The following SEL1L variants were observed in gnomAD, a reference collection of about 807,000 sequenced individuals.
SEL1L encodes the protein SEL1L adaptor subunit of SYVN1 ubiquitin ligase.
SEL1L carries 52 observed loss-of-function variants against 109.8 expected under a neutral mutation model. The ratio of observed to expected loss-of-function variants is 0.47; its 90% CI spans 0.38 to 0.60. The LOEUF (loss-of-function observed/expected upper bound fraction) is 0.60, where lower values mean the gene tolerates loss of function less well. Among genes scored for constraint, SEL1L ranks in the 20% least tolerant of loss-of-function variants. SEL1L has a pLI of 0.00. For synonymous variants in SEL1L, 373 were observed against 339.6 expected (o/e 1.10, Z -1.08); for missense variants, 749 against 962.2 (o/e 0.78, Z 2.93).
At chr14:81,503,336 CCTTT>C (rs1014578307) in intron 5 of SEL1L, among the ~76,000 whole-genome samples, 2 of 152,070 alleles carry the variant, frequency 1.3e-5, no homozygotes, top group Non-Finnish European at 2.9e-5. Flanking sequence ...AAAAAACATC[CCTTT>C]TTTTAATTTT....
chr14:81,533,609 C>A (rs1416209608), intron 1 of SEL1L, 66 bp downstream of exon 1: 1 of 1,524,980 alleles, frequency 6.6e-7, no homozygotes, highest in Non-Finnish European at 9.0e-7. Context: ...TCCCCACGGC[C>A]CCGCCGGCTG....
At position 81,525,589 on chromosome 14, in the gene SEL1L, C is replaced by T. The variant is rs552368333; in HGVS notation, c.340+1144G>A. On this transcript the variant is annotated intron_variant, in intron 3 of 20. Coordinates refer to ENST00000336735, the MANE Select transcript of SEL1L (RefSeq NM_005065.6). Reference sequence around the variant, plus strand: ...TGAAGAACAATTTAACAATGTGTATCTACTGTCTTTTAAACTTTTACATCC... The same window carrying T: ...TGAAGAACAATTTAACAATGTGTATTTACTGTCTTTTAAACTTTTACATCC... 3.3e-5 allele frequency among the ~76,000 whole-genome samples: 5 copies of T among 152,152 alleles called. No individual in the cohort carries two copies. In the South Asian group the frequency reaches 1.0e-3, roughly 32 times the overall value.
At chr14:81,532,177 CTTTAATTTTCTTT>C (rs1413269180) in intron 1 of SEL1L, among the ~76,000 whole-genome samples, 1 of 152,206 alleles carries the variant, frequency 6.6e-6, no homozygotes, top group African/African-American at 2.4e-5. Context: ...AATTCCTATG[CTTTAATTTTCTTT>C]AAACTCTGCC....
chr14:81,489,444 C>T (rs1009658325), intron 13 of SEL1L, 130 bp from the exon 14 acceptor site: 15 of 735,172 alleles, frequency 2.0e-5, no homozygotes, highest in Non-Finnish European at 3.4e-5. Flanking sequence ...CAATTCAAAA[C>T]AAAACTTTCT....
intron 16 of SEL1L, 25 bp downstream of exon 16, chr14:81,487,365 C>G: frequency 1.9e-6 from 3 of 1,549,540 alleles, no homozygotes; most frequent in Non-Finnish European, 2.6e-6. Flanking sequence ...ACTCCCTACA[C>G]ACAAGCTGGT....
At chr14:81,514,766 C>T (rs527749803) in intron 3 of SEL1L, among the ~76,000 whole-genome samples, 1 of 152,248 alleles carries the variant, frequency 6.6e-6, no homozygotes, top group African/African-American at 2.4e-5. Context: ...CCTTGAAATG[C>T]ATCCTAAGCC....
chr14:81,501,876 A>G (rs1884024041), intron 6 of SEL1L, among the ~76,000 whole-genome samples: 1 of 152,016 alleles, frequency 6.6e-6, no homozygotes, highest in African/African-American at 2.4e-5. Flanking sequence ...GTGACATCCT[A>G]TTGACAGGAA....
Position 81,527,697 on chromosome 14 carries a change from A to G in SEL1L, c.108+4T>C. The G allele has an allele frequency of 6.2e-7, 1 of 1,600,232 alleles. No individual in the cohort carries two copies. Among genetic ancestry groups the G allele is most frequent in the Non-Finnish European group, 8.5e-7 (1 of 1,172,770 alleles). ...TACTGGCCAATACACATTTTAGTAC[A>G]TACCTTGGAATCTAAGGATTCATCC... On this transcript the variant is annotated splice_donor_region_variant and intron_variant, in intron 2 of 20. Coordinates refer to ENST00000336735, the MANE Select transcript of SEL1L (RefSeq NM_005065.6).
intron 3 of SEL1L, among the ~76,000 whole-genome samples, chr14:81,511,489 T>A (rs1338960379): frequency 6.6e-6 from 1 of 152,222 alleles, no homozygotes; most frequent in East Asian, 1.9e-4. Context: ...TTTTCAAAGC[T>A]GTGGTGTGGC....
intron 1 of SEL1L, among the ~76,000 whole-genome samples, 154 bp from the exon 2 acceptor site, chr14:81,527,892 T>A (rs910638575): frequency 6.6e-6 from 1 of 152,106 alleles, no homozygotes; most frequent in Admixed American, 6.6e-5. Context: ...CAGCAATTGT[T>A]CAGAAAAGAT....
chr14:81,498,807 G>C (rs1162571600), intron 8 of SEL1L: 2 of 198,258 alleles, frequency 1.0e-5, no homozygotes, highest in South Asian at 1.8e-4. Flanking sequence ...CTTAGAACCA[G>C]TTTTAATCTT....
At position 81,476,656 on chromosome 14, in the gene SEL1L, A is replaced by G. The variant is rs1903169421; in HGVS notation, c.*316T>C. 2 of 281,172 alleles carry G rather than the reference A, an allele frequency of 7.1e-6. No homozygotes were observed. Among genetic ancestry groups the G allele is most frequent in the East Asian group, 1.2e-4 (2 of 16,536 alleles). The allele number at this position is 281,172 out of a possible 1,614,324, so 17.4% of individuals were successfully genotyped here. A position where few individuals can be genotyped will look rare whatever the true frequency, so the allele number is the denominator to read the frequency against. On this transcript the variant is annotated 3_prime_UTR_variant, in exon 21 of 21. Transcript: ENST00000336735. ...GCACACTGAAATAATGACCAAAAGGATCCAAGAAAGATAGCTGGATACAGT... is the reference window on the plus strand; with the variant it reads ...GCACACTGAAATAATGACCAAAAGGGTCCAAGAAAGATAGCTGGATACAGT...
chr14:81,512,460 T>C (rs1884520817), intron 3 of SEL1L, among the ~76,000 whole-genome samples: 1 of 152,222 alleles, frequency 6.6e-6, no homozygotes, highest in Non-Finnish European at 1.5e-5. Flanking sequence ...AGTTTCAGAA[T>C]TCTCCTAGTG....
At chr14:81,478,843 A>G (rs939952174) in intron 20 of SEL1L, among the ~76,000 whole-genome samples, 5 of 152,174 alleles carry the variant, frequency 3.3e-5, no homozygotes, top group Admixed American at 2.0e-4. Context: ...TGAATCTAAA[A>G]CTGAAAGACA....
intron 3 of SEL1L, among the ~76,000 whole-genome samples, chr14:81,509,087 C>T (rs1188005053): frequency 1.3e-5 from 2 of 152,190 alleles, no homozygotes; most frequent in Non-Finnish European, 2.9e-5. Context: ...TCTCAGCTAC[C>T]TTCTCCAAGG....
chr14:81,510,514 C>CTCTCTCTCTATA lies in SEL1L; in HGVS notation c.341-4274_341-4273insTATAGAGAGAGA, dbSNP rs35474067. 2.5e-3 allele frequency among the ~76,000 whole-genome samples: 259 copies of CTCTCTCTCTATA among 104,052 alleles called. 1 individual carries two copies. The highest frequency in any genetic ancestry group is 3.7e-3 in the Non-Finnish European group (185 of 50,236). 68.3% of individuals were successfully genotyped at this position (104,052 alleles called of 152,430 possible). On this transcript the variant is annotated intron_variant, in intron 3 of 20. Transcript: ENST00000336735. Reference sequence around the variant, plus strand: ...TCTCTCTCTCTCTCTCTCTCTCTCTCTATATATATATATATAGACAATTAA... The same window carrying CTCTCTCTCTATA: ...TCTCTCTCTCTCTCTCTCTCTCTCTCTCTCTCTCTATATATATATATATATATAGACAATTAA...
At chr14:81,486,906 T>C (rs539884584) in intron 16 of SEL1L, among the ~76,000 whole-genome samples, 12 of 152,134 alleles carry the variant, frequency 7.9e-5, no homozygotes, top group Non-Finnish European at 1.5e-4. Flanking sequence ...TAAGAGACAA[T>C]TTCCAATTAG....
At chr14:81,512,752 A>T (rs746649897) in intron 3 of SEL1L, among the ~76,000 whole-genome samples, 1 of 152,240 alleles carries the variant, frequency 6.6e-6, no homozygotes, top group African/African-American at 2.4e-5. Flanking sequence ...TGTTCCTTTT[A>T]AAATGGCTAT....
intron 19 of SEL1L, among the ~76,000 whole-genome samples, chr14:81,483,005 A>G (rs1051912135): frequency 4.6e-5 from 7 of 152,200 alleles, no homozygotes; most frequent in African/African-American, 1.7e-4. Context: ...CTGGTTTCCA[A>G]TTCTTTGCTT....
Sources: allele counts gnomAD v4.1 joint callset (sites outside exome capture counted in the v4.1 genomes callset), GRCh38; gene constraint gnomAD v4.1.1; transcripts MANE v1.5; gene names NCBI Gene and HGNC (gene_info 2026-07-23, HGNC 2026-07-21).